The following CNTNAP4 variants were observed in gnomAD, a reference collection of about 807,000 sequenced individuals.
CNTNAP4 encodes the protein contactin-associated protein-like 4.
A neutral mutation model predicts 148.4 loss-of-function variants in CNTNAP4; 98 were observed. That is an observed-to-expected ratio of 0.66 (90% CI 0.56 to 0.78). The LOEUF (loss-of-function observed/expected upper bound fraction) is 0.78, where lower values mean the gene tolerates loss of function less well. Among genes scored for constraint, CNTNAP4 ranks in the 30% least tolerant of loss-of-function variants. The pLI is 0.00. For synonymous variants in CNTNAP4, 730 were observed against 565.1 expected (o/e 1.29, Z -4.14); for missense variants, 1,935 against 1,565.6 (o/e 1.24, Z -3.98).
chr16:76,559,406 T>TAA lies in CNTNAP4; in HGVS notation c.*729_*730dup. On this transcript the variant is annotated 3_prime_UTR_variant, in exon 24 of 24. Coordinates refer to ENST00000611870, the MANE Select transcript of CNTNAP4 (RefSeq NM_033401.5). ...TGTTAGTATGTAATGTCTTTCCTTT[T>TAA]AAAAAAAGTTTTCCAATTAATTTGC... Among the ~76,000 whole-genome samples the TAA allele has an allele frequency of 6.6e-6, 1 of 152,074 alleles. No individual in the cohort carries two copies. Among genetic ancestry groups the TAA allele is most frequent in the Non-Finnish European group, 1.5e-5 (1 of 67,974 alleles).
intron 3 of CNTNAP4, among the ~76,000 whole-genome samples, chr16:76,387,360 C>A (rs1377883096): frequency 1.3e-5 from 2 of 152,182 alleles, no homozygotes; most frequent in Non-Finnish European, 2.9e-5. Context: ...GTTCTCAAAT[C>A]TCATTATATA....
intron 3 of CNTNAP4, among the ~76,000 whole-genome samples, chr16:76,419,387 C>A (rs2079102806): frequency 1.3e-5 from 2 of 151,980 alleles, no homozygotes; most frequent in Admixed American, 1.3e-4. Flanking sequence ...TTCCCTTTCC[C>A]ACTTCCTGAC....
chr16:76,318,951 A>T lies in CNTNAP4; in HGVS notation c.196+2428A>T, dbSNP rs564397339. Among the ~76,000 whole-genome samples, 3 of 152,188 alleles carry T rather than the reference A, an allele frequency of 2.0e-5. No individual in the cohort carries two copies. The South Asian group carries it at 6.2e-4, about 32-fold the overall frequency. On this transcript the variant is annotated intron_variant, in intron 2 of 23. Coordinates refer to ENST00000611870, the MANE Select transcript of CNTNAP4 (RefSeq NM_033401.5). ...AGATACACAGAATGACTTCTTTCCT[A>T]CAGAATTATGAAAACTTAGAGCCAA...
chr16:76,406,823 A>G (rs961585410), intron 3 of CNTNAP4, among the ~76,000 whole-genome samples: 1 of 152,178 alleles, frequency 6.6e-6, no homozygotes, highest in African/African-American at 2.4e-5. Flanking sequence ...AGGTTGGTTC[A>G]TGAGGTTCAA....
intron 2 of CNTNAP4, among the ~76,000 whole-genome samples, chr16:76,338,475 G>A (rs1352441082): frequency 6.6e-6 from 1 of 152,042 alleles, no homozygotes; most frequent in Admixed American, 6.6e-5. Flanking sequence ...CCTCTGCTTG[G>A]AAGGCTCCAA....
At chr16:76,498,770 GT>G (rs2082506679) in intron 15 of CNTNAP4, 76 bp downstream of exon 15, 1 of 1,371,106 alleles carries the variant, frequency 7.3e-7, no homozygotes, top group South Asian at 1.7e-5. Flanking sequence ...TAAGCATCAC[GT>G]TTCTATCATA....
chr16:76,330,762 TACAG>T (rs1301072314), intron 2 of CNTNAP4, among the ~76,000 whole-genome samples: 1 of 152,110 alleles, frequency 6.6e-6, no homozygotes, highest in Non-Finnish European at 1.5e-5. Context: ...TTAGTAAAAA[TACAG>T]AAAGAGCTTA....
intron 1 of CNTNAP4, among the ~76,000 whole-genome samples, chr16:76,287,455 G>A (rs935745469): frequency 3.3e-5 from 5 of 152,056 alleles, no homozygotes; most frequent in African/African-American, 1.2e-4. Context: ...CTTGCCTGTG[G>A]GATAGTTTCT....
intron 10 of CNTNAP4, among the ~76,000 whole-genome samples, chr16:76,469,218 G>T (rs945463637): frequency 6.6e-5 from 10 of 152,148 alleles, no homozygotes; most frequent in Non-Finnish European, 1.3e-4. Flanking sequence ...AATTTGCAGA[G>T]AAAACAATTC....
At chr16:76,501,403 T>C (rs978239797) in intron 15 of CNTNAP4, among the ~76,000 whole-genome samples, 2 of 152,188 alleles carry the variant, frequency 1.3e-5, no homozygotes, top group African/African-American at 4.8e-5. Flanking sequence ...CCCTGCCTAT[T>C]TGTATGTTTT....
intron 17 of CNTNAP4, among the ~76,000 whole-genome samples, chr16:76,533,426 A>G (rs899238937): frequency 1.3e-5 from 2 of 152,180 alleles, no homozygotes; most frequent in Admixed American, 1.3e-4. Context: ...ATGCCACTGT[A>G]GAATGACTAT....
intron 9 of CNTNAP4, among the ~76,000 whole-genome samples, chr16:76,467,116 C>T (rs932749026): frequency 2.0e-5 from 3 of 151,992 alleles, no homozygotes; most frequent in Non-Finnish European, 2.9e-5. Context: ...AGTTAATATC[C>T]TTGCACATTA....
intron 15 of CNTNAP4, among the ~76,000 whole-genome samples, chr16:76,505,001 C>G (rs2082790095): frequency 6.6e-6 from 1 of 152,112 alleles, no homozygotes; most frequent in Admixed American, 6.5e-5. Flanking sequence ...AACTAGAACT[C>G]TGGTACATTG....
intron 18 of CNTNAP4, among the ~76,000 whole-genome samples, chr16:76,536,734 C>G (rs749134128): frequency 3.9e-5 from 6 of 152,140 alleles, no homozygotes; most frequent in Non-Finnish European, 7.3e-5. Flanking sequence ...CTCTCATTAT[C>G]TGATATGCCT....
chr16:76,534,520 C>T (rs939573334), intron 17 of CNTNAP4, among the ~76,000 whole-genome samples: 2 of 152,186 alleles, frequency 1.3e-5, no homozygotes, highest in Non-Finnish European at 2.9e-5. Context: ...ACTCTTTTCC[C>T]GCTTCAAGTT....
intron 1 of CNTNAP4, among the ~76,000 whole-genome samples, chr16:76,298,486 A>ATGTGTG (rs3975398): frequency 0.011 from 1,368 of 129,424 alleles, 7 homozygotes; most frequent in African/African-American, 0.018. Context: ...GTGTACATGT[A>ATGTGTG]TGTGTGTGTG....
chr16:76,496,361 C>T (rs1335155701), intron 14 of CNTNAP4, among the ~76,000 whole-genome samples: 1 of 152,074 alleles, frequency 6.6e-6, no homozygotes, highest in Non-Finnish European at 1.5e-5. Context: ...GCCTCCATAA[C>T]ATATTGCTAA....
At chr16:76,384,385 A>G (rs1031270581) in intron 3 of CNTNAP4, among the ~76,000 whole-genome samples, 2 of 152,098 alleles carry the variant, frequency 1.3e-5, no homozygotes, top group African/African-American at 4.8e-5. Flanking sequence ...GTAATAAGTT[A>G]AGGCTGGCAG....
At chr16:76,534,612 C>T (rs925738287) in intron 17 of CNTNAP4, among the ~76,000 whole-genome samples, 1 of 152,132 alleles carries the variant, frequency 6.6e-6, no homozygotes, top group Non-Finnish European at 1.5e-5. Context: ...CAGGGTAGTG[C>T]TTATACAATG....
Sources: allele counts gnomAD v4.1 joint callset (sites outside exome capture counted in the v4.1 genomes callset), GRCh38; gene constraint gnomAD v4.1.1; transcripts MANE v1.5; gene names NCBI Gene and HGNC (gene_info 2026-07-23, HGNC 2026-07-21).